BAHD1: variants seen among roughly 807,000 people sequenced by gnomAD.
BAHD1 encodes bromo adjacent homology domain containing 1.
In BAHD1, 20 loss-of-function variants were observed where a neutral mutation model predicts 63.1. The ratio of observed to expected loss-of-function variants is 0.32; its 90% CI spans 0.22 to 0.46. BAHD1 has a LOEUF of 0.46. Ranked by LOEUF, BAHD1 falls within the 20% of genes least tolerant of loss-of-function variation. BAHD1 has a pLI of 1.00. For synonymous variants in BAHD1, 408 were observed against 426.8 expected (o/e 0.96, Z 0.54); for missense variants, 939 against 1,071.8 (o/e 0.88, Z 1.73).
intron 1 of BAHD1, among the ~76,000 whole-genome samples, chr15:40,441,520 C>G (rs1342420503): frequency 6.6e-6 from 1 of 150,472 alleles, no homozygotes; most frequent in East Asian, 1.9e-4. Context: ...CATCGGGGAA[C>G]GCGGCGCGCC....
chr15:40,464,786 A>G (rs570742965), intron 5 of BAHD1: 2 of 526,224 alleles, frequency 3.8e-6, no homozygotes, highest in Admixed American at 6.6e-5. Flanking sequence ...CAGAAAGGGA[A>G]CCCTTGAGGT....
rs1894254125 is a variant in BAHD1, at chr15:40,467,704, G to A, written c.*1574G>A. Reference sequence around the variant, plus strand: ...CTGGAGGCTTCAGAGGTGAATTTATGCTTGGGAAGCCTGATCCCAAACCTG... The same window carrying A: ...CTGGAGGCTTCAGAGGTGAATTTATACTTGGGAAGCCTGATCCCAAACCTG... On this transcript the variant is annotated 3_prime_UTR_variant, in exon 7 of 7. Coordinates refer to ENST00000416165, the MANE Select transcript of BAHD1 (RefSeq NM_014952.5). 6.5e-6 allele frequency: 1 copy of A among 152,708 alleles called. No individual in the cohort carries two copies. Among genetic ancestry groups the A allele is most frequent in the Non-Finnish European group, 1.5e-5 (1 of 68,088 alleles). 9.5% of individuals were successfully genotyped at this position (152,708 alleles called of 1,614,324 possible). A position where few individuals can be genotyped will look rare whatever the true frequency, so the allele number is the denominator to read the frequency against.
rs1235043764 is a variant in BAHD1 at position 40,466,907 on chromosome 15, GT to G, written c.*779del. 6.6e-6 allele frequency: 1 copy of G among 152,550 alleles called. No homozygotes were observed. The highest frequency in any genetic ancestry group is 1.9e-4 in the East Asian group (1 of 5,196). The allele number at this position is 152,550 out of a possible 1,614,324, so 9.4% of individuals were successfully genotyped here. ...GAGGGAAGATGGGTGCTGGGAGAGGGTTGGGGGCAGGGGGCAAGGAAAATTG... is the reference window on the plus strand; with the variant it reads ...GAGGGAAGATGGGTGCTGGGAGAGGGTGGGGGCAGGGGGCAAGGAAAATTG... On this transcript the variant is annotated 3_prime_UTR_variant, in exon 7 of 7. Transcript: ENST00000416165.
chr15:40,452,209 A>G (rs751128038), intron 1 of BAHD1, among the ~76,000 whole-genome samples: 2 of 152,240 alleles, frequency 1.3e-5, no homozygotes, highest in Non-Finnish European at 2.9e-5. Flanking sequence ...TACAGAATGA[A>G]TTGAGTGCCC....
At chr15:40,445,256 TA>T (rs397937880) in intron 1 of BAHD1, among the ~76,000 whole-genome samples, 139 of 113,694 alleles carry the variant, frequency 1.2e-3, no homozygotes, top group Middle Eastern at 4.4e-3. Context: ...TCCTTTTGGG[TA>T]AAAAAAAAAA....
chr15:40,450,441 TA>T lies in BAHD1; in HGVS notation c.-14-8008del, dbSNP rs201848586. On this transcript the variant is annotated intron_variant, in intron 1 of 6. Coordinates refer to ENST00000416165, the MANE Select transcript of BAHD1 (RefSeq NM_014952.5). ...TAGAAATCTAAGTTGTTGGTCCATG[TA>T]ATGTCCTGGTGGTTGAACCAACACT... Among the ~76,000 whole-genome samples, 1,331 of 152,342 alleles carry T rather than the reference TA, an allele frequency of 8.7e-3. 14 individuals carry two copies. Among genetic ancestry groups the T allele is most frequent in the Non-Finnish European group, 0.014 (985 of 68,022 alleles).
At chr15:40,443,677 C>T (rs1225335159) in intron 1 of BAHD1, among the ~76,000 whole-genome samples, 7 of 152,086 alleles carry the variant, frequency 4.6e-5, no homozygotes, top group South Asian at 2.1e-4. Context: ...CTGCTGTCCC[C>T]GTGTCAGGCC....
rs1183644648 is a variant in BAHD1 at position 40,459,589 on chromosome 15, A to T, written c.1125A>T (p.Ala375=). The stretch of plus-strand genomic sequence containing the variant: ...TGTGTGTTGGGCCTGAGCTCACTGC[A>T]CTAGGCAGCTTCTACCTGTACTGTG... ...NGLCVGPELT[A]LGSFYLYCGQ... The change falls in exon 2 of 7, where the codon GCA becomes GCT. Residue 375 remains alanine (A), a synonymous_variant. Coordinates refer to ENST00000416165, the MANE Select transcript of BAHD1 (RefSeq NM_014952.5). 1.2e-6 allele frequency: 2 copies of T among 1,614,038 alleles called. No individual in the cohort carries two copies. Among genetic ancestry groups the T allele is most frequent in the Non-Finnish European group, 1.7e-6 (2 of 1,180,018 alleles).
intron 2 of BAHD1, among the ~76,000 whole-genome samples, chr15:40,460,569 G>A (rs1894009839): frequency 6.6e-6 from 1 of 152,200 alleles, no homozygotes; most frequent in Non-Finnish European, 1.5e-5. Context: ...GTGTCTGCCT[G>A]CCTGACAAGA....
At chr15:40,442,550 C>G (rs540102533) in intron 1 of BAHD1, among the ~76,000 whole-genome samples, 65 of 152,284 alleles carry the variant, frequency 4.3e-4, no homozygotes, top group African/African-American at 1.4e-3. Flanking sequence ...AGTCTGCCTA[C>G]AGGCAGAAGT....
rs994742413 is a variant in BAHD1, at chr15:40,441,194, G to T, written c.-89G>T. 1.3e-4 allele frequency: 20 copies of T among 151,026 alleles called. No individual in the cohort carries two copies. The highest frequency in any genetic ancestry group is 1.9e-4 in the Non-Finnish European group (13 of 67,828). 9.4% of individuals were successfully genotyped at this position (151,026 alleles called of 1,614,324 possible). A position where few individuals can be genotyped will look rare whatever the true frequency, so the allele number is the denominator to read the frequency against. ...CCCGGGAATTGAGCGCCCCCGGGGGGTTCCAGCCGCCGGATTCCAGCCCGG... is the reference window on the plus strand; with the variant it reads ...CCCGGGAATTGAGCGCCCCCGGGGGTTTCCAGCCGCCGGATTCCAGCCCGG... On this transcript the variant is annotated 5_prime_UTR_variant, in exon 1 of 7. Coordinates refer to ENST00000416165, the MANE Select transcript of BAHD1 (RefSeq NM_014952.5).
intron 1 of BAHD1, among the ~76,000 whole-genome samples, chr15:40,442,941 C>T (rs576751247): frequency 6.6e-6 from 1 of 152,316 alleles, no homozygotes; most frequent in South Asian, 2.1e-4. Flanking sequence ...GAACCACTGG[C>T]TTAAGCTGTG....
intron 1 of BAHD1, among the ~76,000 whole-genome samples, chr15:40,454,800 A>G (rs1893801996): frequency 6.6e-6 from 1 of 152,084 alleles, no homozygotes; most frequent in African/African-American, 2.4e-5. Flanking sequence ...TTCTGGGTGG[A>G]TAGTGCGTAA....
intron 5 of BAHD1, among the ~76,000 whole-genome samples, 174 bp downstream of exon 5, chr15:40,464,721 A>G (rs527558857): frequency 6.6e-6 from 1 of 152,204 alleles, no homozygotes; most frequent in Non-Finnish European, 1.5e-5. Flanking sequence ...TTTTCCCAAC[A>G]CTGCCCCAAT....
chr15:40,463,437 C>A (rs1172766683), intron 3 of BAHD1, among the ~76,000 whole-genome samples: 3 of 152,200 alleles, frequency 2.0e-5, no homozygotes, highest in Non-Finnish European at 2.9e-5. Flanking sequence ...ATCCCATCTT[C>A]CTATAATTAA....
At chr15:40,443,166 G>T in intron 1 of BAHD1, 1 of 690,636 alleles carries the variant, frequency 1.4e-6, no homozygotes, top group Non-Finnish European at 1.8e-6. Flanking sequence ...GTTAGAAGCC[G>T]CTCTCAACTG....
Position 40,459,848 on chromosome 15 carries a change from G to A in BAHD1, c.1384G>A (p.Ala462Thr), listed in dbSNP as rs372997308. The A allele has an allele frequency of 1.9e-5, 30 of 1,606,574 alleles. No individual in the cohort carries two copies. Among genetic ancestry groups the A allele is most frequent in the Non-Finnish European group, 2.4e-5 (28 of 1,175,992 alleles). The change falls in exon 2 of 7, where the codon GCT becomes ACT. Residue 462 changes from alanine (A) to threonine (T), a missense_variant. By Grantham distance (58) the Ala-to-Thr change is moderately conservative. Around this residue, in one of 5 missense-constraint regions of BAHD1, gnomAD observed 797 missense variants for 813.3 expected, o/e 0.98. Transcript: ENST00000416165. ...CGVLPLSVTH[A>T]GTTCGGCPYK... ...AGTGTTGCCCCTGTCTGTTACCCAC[G>A]CTGGCACTACCTGTGGCGGCTGCCC...
chr15:40,448,696 C>T lies in BAHD1; in HGVS notation c.-15+7428C>T, dbSNP rs1343206289. 2.0e-5 allele frequency among the ~76,000 whole-genome samples: 3 copies of T among 152,110 alleles called. No individual in the cohort carries two copies. In the East Asian group the frequency reaches 5.8e-4, roughly 29 times the overall value. On this transcript the variant is annotated intron_variant, in intron 1 of 6. Coordinates refer to ENST00000416165, the MANE Select transcript of BAHD1 (RefSeq NM_014952.5). ...GGACTACAGGCACACACCACCATGC[C>T]CGACTAATTTTTTATTTTTGTAGAG... is the stretch of plus-strand genomic sequence containing the variant.
At chr15:40,465,093 G>C in intron 5 of BAHD1, 1 of 543,262 alleles carries the variant, frequency 1.8e-6, no homozygotes, top group Non-Finnish European at 3.3e-6. Flanking sequence ...GGGTTTGGGA[G>C]GTCAGTGACA....
Sources: gnomAD v4.1 joint callset for allele counts (sites outside exome capture counted in the v4.1 genomes callset) on GRCh38, gnomAD v4.1.1 for gene constraint, gnomAD v4.1.1 regional missense constraint, MANE v1.5 for transcripts, NCBI Gene and HGNC (gene_info 2026-07-23, HGNC 2026-07-21) for gene names.